Variants in RPH3AL observed in about 807,000 individuals in gnomAD.
RPH3AL encodes the protein rabphilin 3A like (without C2 domains).
In RPH3AL, 38 loss-of-function variants were observed where a neutral mutation model predicts 43.1. That is an observed-to-expected ratio of 0.88 (90% confidence interval 0.68 to 1.15). The LOEUF is 1.15. RPH3AL is among the 50% of genes most tolerant of loss of function. The pLI, the probability that RPH3AL is intolerant of heterozygous loss-of-function variation, is 0.00. For synonymous variants in RPH3AL, 189 were observed against 176.3 expected (o/e 1.07, Z -0.57); for missense variants, 462 against 423.2 (o/e 1.09, Z -0.81).
Position 215,768 on chromosome 17 carries a change from G to T in RPH3AL, c.762C>A (p.Thr254=). The change falls in exon 9 of 10, where the codon ACC becomes ACA. Residue 254 remains threonine (T), a synonymous_variant. Transcript: ENST00000331302. The surrounding 1 kb of genome is among the most constrained non-coding windows in gnomAD (Gnocchi z 4.1). ...GSVEAPRMGF[T]HPPGHLSGCQ... is the part of the protein sequence containing the mutation. Reference sequence around the variant, plus strand: ...ACCCAGAGAGGTGGCCCGGCGGGTGGGTGAACCCCATCCTGGGGGCCTCCA... The same window carrying T: ...ACCCAGAGAGGTGGCCCGGCGGGTGTGTGAACCCCATCCTGGGGGCCTCCA... 1 of 1,307,634 alleles carries T rather than the reference G, an allele frequency of 7.6e-7. No homozygotes were observed. The highest frequency in any genetic ancestry group is 9.8e-7 in the Non-Finnish European group (1 of 1,024,906). The allele number at this position is 1,307,634 out of a possible 1,614,324, so 81.0% of individuals were successfully genotyped here.
At chr17:330,057 T>G (rs1451451949) in intron 2 of RPH3AL, among the ~76,000 whole-genome samples, 2 of 152,230 alleles carry the variant, frequency 1.3e-5, no homozygotes, top group African/African-American at 4.8e-5. Context: ...CGGAGGGTGT[T>G]GGGGGACCCC....
intron 6 of RPH3AL, among the ~76,000 whole-genome samples, chr17:253,334 G>C (rs1040222965): frequency 3.9e-5 from 6 of 152,074 alleles, no homozygotes; most frequent in Non-Finnish European, 7.4e-5. Context: ...CATCTCTGTC[G>C]TGAGTCTTCA....
At chr17:237,008 GCA>G (rs1567572668) in intron 7 of RPH3AL, among the ~76,000 whole-genome samples, 1 of 152,214 alleles carries the variant, frequency 6.6e-6, no homozygotes, top group East Asian at 1.9e-4. Context: ...GCTGCTCTGA[GCA>G]TCAGCTGGGT....
intron 1 of RPH3AL, among the ~76,000 whole-genome samples, chr17:342,675 T>A (rs2045149570): frequency 6.6e-6 from 1 of 152,150 alleles, no homozygotes; most frequent in African/African-American, 2.4e-5. Flanking sequence ...AGTAGATTAG[T>A]GGTTGCCTAG....
At chr17:235,335 C>G (rs1393268838) in intron 7 of RPH3AL, among the ~76,000 whole-genome samples, 166 of 110,086 alleles carry the variant, frequency 1.5e-3, no homozygotes, top group African/African-American at 2.0e-3. Context: ...AGGCTCTGCA[C>G]TAACAAGACG....
chr17:278,682 G>C (rs1321936506), intron 6 of RPH3AL, among the ~76,000 whole-genome samples: 1 of 152,090 alleles, frequency 6.6e-6, no homozygotes, highest in Non-Finnish European at 1.5e-5. Flanking sequence ...CTAAGGACTT[G>C]ATCACCGTCT....
At chr17:263,534 T>G (rs1044442915) in intron 6 of RPH3AL, among the ~76,000 whole-genome samples, 1 of 152,226 alleles carries the variant, frequency 6.6e-6, no homozygotes, top group African/African-American at 2.4e-5. Flanking sequence ...ACAATTTGAT[T>G]TTTTAAAACC....
At chr17:299,825 G>A (rs1352908410) in intron 5 of RPH3AL, among the ~76,000 whole-genome samples, 3 of 152,238 alleles carry the variant, frequency 2.0e-5, no homozygotes, top group Non-Finnish European at 2.9e-5. Context: ...ATTTGCCAAC[G>A]ATGCTTCTTC....
intron 2 of RPH3AL, among the ~76,000 whole-genome samples, chr17:329,201 G>A (rs578259242): frequency 2.0e-5 from 3 of 152,290 alleles, no homozygotes; most frequent in Admixed American, 2.0e-4. Flanking sequence ...GGCCAGACAT[G>A]GTGGCTGAGG....
At chr17:350,752 T>TA (rs2045338042) in intron 1 of RPH3AL, among the ~76,000 whole-genome samples, 1 of 152,098 alleles carries the variant, frequency 6.6e-6, no homozygotes, top group African/African-American at 2.4e-5. Flanking sequence ...AAATGGGAAT[T>TA]AAAAAAACTG....
chr17:318,715 A>G (rs2044372716), intron 5 of RPH3AL, among the ~76,000 whole-genome samples: 1 of 152,256 alleles, frequency 6.6e-6, no homozygotes, highest in Non-Finnish European at 1.5e-5. Context: ...CAGAAAAACT[A>G]AAAGCTATAT....
At chr17:222,793 A>G (rs966677987) in intron 7 of RPH3AL, among the ~76,000 whole-genome samples, 4 of 152,168 alleles carry the variant, frequency 2.6e-5, no homozygotes, top group Non-Finnish European at 5.9e-5. Context: ...GCCAAGCAGG[A>G]CAACTGCAGA....
chr17:236,097 A>G (rs2041388770), intron 7 of RPH3AL, among the ~76,000 whole-genome samples: 2 of 151,780 alleles, frequency 1.3e-5, no homozygotes, highest in South Asian at 4.1e-4. Context: ...CTGATCTTGG[A>G]GCACAGAAGG....
chr17:316,319 C>A (rs530759883), intron 5 of RPH3AL, among the ~76,000 whole-genome samples: 1 of 151,328 alleles, frequency 6.6e-6, no homozygotes, highest in South Asian at 2.1e-4. Context: ...GACCTGTAGT[C>A]CCTGTGCTCC....
At chr17:298,388 G>C (rs1291360516) in intron 5 of RPH3AL, among the ~76,000 whole-genome samples, 1 of 152,176 alleles carries the variant, frequency 6.6e-6, no homozygotes, top group African/African-American at 2.4e-5. Context: ...TCCCATGCCT[G>C]GGATACAGTC....
chr17:214,919 G>A (rs865918610), intron 9 of RPH3AL, among the ~76,000 whole-genome samples: 4 of 152,126 alleles, frequency 2.6e-5, no homozygotes, highest in Admixed American at 1.3e-4. Flanking sequence ...AGAGGGAGGG[G>A]GCAGGGTCCA....
chr17:222,027 A>G (rs911257679), intron 7 of RPH3AL, among the ~76,000 whole-genome samples: 8 of 138,972 alleles, frequency 5.8e-5, no homozygotes, highest in East Asian at 2.2e-4. Flanking sequence ...AGACCCAAGC[A>G]CAACAGCTCT....
intron 6 of RPH3AL, among the ~76,000 whole-genome samples, chr17:261,351 T>C (rs2042190858): frequency 6.6e-6 from 1 of 151,958 alleles, no homozygotes; most frequent in Admixed American, 6.6e-5. Flanking sequence ...ATGTGCTTCC[T>C]CTCTCTCTCT....
rs72631438 is a variant in RPH3AL, at chr17:283,601, C to G, written c.352-1747G>C. Among the ~76,000 whole-genome samples, 16,371 of 152,080 alleles carry G rather than the reference C, an allele frequency of 0.11. 1,644 individuals are homozygous for G. The highest frequency in any genetic ancestry group is 0.53 in the East Asian group (2,735 of 5,122). ...GATGGCCCAGATCTGCAGAGGGTCC[C>G]CTGAGCGCCGTCCACACTCCTCACT... On this transcript the variant is annotated intron_variant, in intron 5 of 9. Transcript: ENST00000331302. The surrounding 1 kb of genome is among the most constrained non-coding windows in gnomAD (Gnocchi z 4.2).
Sources: gnomAD v4.1 joint callset for allele counts (sites outside exome capture counted in the v4.1 genomes callset) on GRCh38, gnomAD v4.1.1 for gene constraint, Gnocchi (gnomAD v3.1) non-coding constraint, MANE v1.5 for transcripts, NCBI Gene and HGNC (gene_info 2026-07-23, HGNC 2026-07-21) for gene names.